Variants in PARVA observed in about 807,000 individuals in gnomAD.
PARVA encodes parvin alpha.
Under a neutral mutation model 52.6 loss-of-function variants are expected in PARVA, and 25 were observed. The observed-to-expected ratio is 0.48, with a 90% CI of 0.35 to 0.66. The LOEUF (loss-of-function observed/expected upper bound fraction) is 0.66. Among genes scored for constraint, PARVA ranks in the 30% least tolerant of loss-of-function variants. PARVA has a pLI of 0.01. For synonymous variants in PARVA, 185 were observed against 179.1 expected, an observed-to-expected ratio of 1.03 and a Z score of -0.26; for missense variants, 373 against 450.9, an observed-to-expected ratio of 0.83 and a Z score of 1.56.
chr11:12,524,536 C>T (rs182118587), intron 12 of PARVA, among the ~76,000 whole-genome samples: 68 of 152,306 alleles, frequency 4.5e-4, no homozygotes, highest in African/African-American at 1.3e-3. Context: ...TCCTCCTTTG[C>T]GACCCGTGCT....
intron 12 of PARVA, among the ~76,000 whole-genome samples, chr11:12,523,928 C>T (rs574408784): frequency 2.0e-5 from 3 of 152,358 alleles, no homozygotes; most frequent in Non-Finnish European, 4.4e-5. Context: ...TGAGATAGTC[C>T]AGTCTCCTTT....
At chr11:12,509,951 A>G (rs534318486) in intron 7 of PARVA, among the ~76,000 whole-genome samples, 51 of 152,320 alleles carry the variant, frequency 3.3e-4, no homozygotes, top group African/African-American at 1.2e-3. Flanking sequence ...AGAGAGGAGC[A>G]TGGCCTGGGA....
At chr11:12,523,552 T>A (rs1941664712) in intron 12 of PARVA, among the ~76,000 whole-genome samples, 1 of 152,192 alleles carries the variant, frequency 6.6e-6, no homozygotes, top group Non-Finnish European at 1.5e-5. Context: ...GGCCTCTGCA[T>A]CCTTTAGAGA....
intron 1 of PARVA, among the ~76,000 whole-genome samples, chr11:12,395,338 C>T (rs888747915): frequency 1.3e-5 from 2 of 152,118 alleles, no homozygotes; most frequent in African/African-American, 2.4e-5. Context: ...ATGTGTTTAC[C>T]GAAGAACAGC....
intron 4 of PARVA, among the ~76,000 whole-genome samples, chr11:12,480,977 AT>A (rs1347431762): frequency 1.3e-5 from 2 of 151,988 alleles, no homozygotes; most frequent in African/African-American, 2.4e-5. Flanking sequence ...CCCTCTGGCT[AT>A]TTTTCGTGTC....
intron 1 of PARVA, among the ~76,000 whole-genome samples, chr11:12,471,389 T>TAAGAGA (rs1564855506): frequency 1.3e-5 from 2 of 152,298 alleles, no homozygotes; most frequent in South Asian, 2.1e-4. Context: ...ATTTTTTAAC[T>TAAGAGA]TTAAGTTCAG....
chr11:12,477,762 G>A (rs1361059623), intron 3 of PARVA, 85 bp from the exon 4 acceptor site: 3 of 752,592 alleles, frequency 4.0e-6, no homozygotes, highest in East Asian at 4.9e-5. Flanking sequence ...GATTTTAATT[G>A]TTTAGGATAA....
At chr11:12,400,749 G>T (rs143953359) in intron 1 of PARVA, among the ~76,000 whole-genome samples, 1 of 152,014 alleles carries the variant, frequency 6.6e-6, no homozygotes, top group Non-Finnish European at 1.5e-5. Context: ...CAACTGTTTT[G>T]CATCCAGTGG....
chr11:12,477,038 C>T (rs183559451), intron 3 of PARVA: 2 of 151,856 alleles, frequency 1.3e-5, no homozygotes, highest in East Asian at 3.9e-4. Flanking sequence ...TTCTGTATCT[C>T]GATTGTGGTG....
chr11:12,469,057 T>C (rs1471344808), intron 1 of PARVA, among the ~76,000 whole-genome samples: 1 of 152,210 alleles, frequency 6.6e-6, no homozygotes, highest in African/African-American at 2.4e-5. Flanking sequence ...GAGGGTTCTT[T>C]CAGCAGGGAA....
At chr11:12,498,926 G>A (rs759315158) in intron 5 of PARVA, among the ~76,000 whole-genome samples, 3 of 152,274 alleles carry the variant, frequency 2.0e-5, no homozygotes, top group African/African-American at 7.2e-5. Context: ...TACATCACAC[G>A]TATTTTCTAC....
At chr11:12,522,802 ACAG>A (rs1222789780) in intron 12 of PARVA, among the ~76,000 whole-genome samples, 4 of 142,708 alleles carry the variant, frequency 2.8e-5, no homozygotes, top group African/African-American at 8.2e-5. Flanking sequence ...AAAAAAAAAA[ACAG>A]ACAGCTCATG....
intron 3 of PARVA, among the ~76,000 whole-genome samples, chr11:12,476,447 A>G (rs1305322449): frequency 6.6e-6 from 1 of 151,988 alleles, no homozygotes; most frequent in East Asian, 1.9e-4. Context: ...GCACCTGTGA[A>G]TAGCCACTGC....
intron 5 of PARVA, among the ~76,000 whole-genome samples, chr11:12,502,557 G>A (rs1480489055): frequency 6.6e-6 from 1 of 151,518 alleles, no homozygotes; most frequent in East Asian, 1.9e-4. Flanking sequence ...TTGCCTAGGT[G>A]CCAGGTAATT....
At chr11:12,403,886 CAGAG>C (rs1032220404) in intron 1 of PARVA, among the ~76,000 whole-genome samples, 1 of 152,234 alleles carries the variant, frequency 6.6e-6, no homozygotes, top group African/African-American at 2.4e-5. Context: ...AAGTAGCTCT[CAGAG>C]AGAACTGTGA....
At chr11:12,483,655 T>C (rs1312705977) in intron 4 of PARVA, among the ~76,000 whole-genome samples, 1 of 152,142 alleles carries the variant, frequency 6.6e-6, no homozygotes, top group African/African-American at 2.4e-5. Flanking sequence ...AGGAGCTGTC[T>C]GTAGCTGCAG....
At chr11:12,387,264 C>A (rs555417666) in intron 1 of PARVA, among the ~76,000 whole-genome samples, 1 of 152,348 alleles carries the variant, frequency 6.6e-6, no homozygotes, top group East Asian at 1.9e-4. Flanking sequence ...TGCCTGAGGA[C>A]CAGAGCACCA....
intron 6 of PARVA, among the ~76,000 whole-genome samples, chr11:12,506,805 T>C (rs1370692153): frequency 6.6e-6 from 1 of 152,228 alleles, no homozygotes; most frequent in African/African-American, 2.4e-5. Flanking sequence ...GGGAGAACTC[T>C]TTAGGGAACA....
chr11:12,524,161 C>T (rs1941672946), intron 12 of PARVA, among the ~76,000 whole-genome samples: 1 of 152,198 alleles, frequency 6.6e-6, no homozygotes, highest in African/African-American at 2.4e-5. Context: ...GCACAGACTG[C>T]ACGGCTATAC....
Sources: gnomAD v4.1 joint callset for allele counts (sites outside exome capture counted in the v4.1 genomes callset) on GRCh38, gnomAD v4.1.1 for gene constraint, MANE v1.5 for transcripts, NCBI Gene and HGNC (gene_info 2026-07-23, HGNC 2026-07-21) for gene names.